Variants in DAB1 observed in about 807,000 individuals in gnomAD.
The protein encoded by DAB1 is disabled homolog 1.
DAB1 carries 15 observed loss-of-function variants against 64.6 expected under a neutral mutation model. That is an observed-to-expected ratio of 0.23 (90% CI 0.16 to 0.36). The LOEUF is 0.36. Among genes scored for constraint, DAB1 ranks in the 10% least tolerant of loss-of-function variants. The probability of loss-of-function intolerance (pLI) is 1.00; values close to 1 mark genes in which losing one functional copy is unlikely to be tolerated. For synonymous variants in DAB1, 235 were observed against 251.9 expected (o/e 0.93, Z 0.64); for missense variants, 596 against 706.7 (o/e 0.84, Z 1.78).
At chr1:57,050,747 A>C (rs1649104863) in intron 9 of DAB1, among the ~76,000 whole-genome samples, 1 of 152,194 alleles carries the variant, frequency 6.6e-6, no homozygotes. Flanking sequence ...TTATTTTTAT[A>C]GGTCTATCTC....
intron 3 of DAB1, among the ~76,000 whole-genome samples, chr1:58,368,372 G>A (rs1644234960): frequency 6.6e-6 from 1 of 152,144 alleles, no homozygotes; most frequent in African/African-American, 2.4e-5. Flanking sequence ...TGACATCTCA[G>A]GGTTAAAGTT....
intron 5 of DAB1, among the ~76,000 whole-genome samples, chr1:58,039,348 C>T (rs1009133623): frequency 6.6e-6 from 1 of 152,106 alleles, no homozygotes; most frequent in Non-Finnish European, 1.5e-5. Flanking sequence ...AACTGCCTCA[C>T]CTGTTCCTTC....
At chr1:58,241,403 C>T (rs935797590) in intron 4 of DAB1, among the ~76,000 whole-genome samples, 1 of 152,030 alleles carries the variant, frequency 6.6e-6, no homozygotes, top group South Asian at 2.1e-4. Context: ...ACCATTTATT[C>T]TGTACCTAAA....
At chr1:57,200,057 T>C (rs1299001575) in intron 2 of DAB1, among the ~76,000 whole-genome samples, 2 of 152,142 alleles carry the variant, frequency 1.3e-5, no homozygotes, top group Non-Finnish European at 2.9e-5. Context: ...TTTAATCAAG[T>C]CCTTATTTCA....
At chr1:57,656,421 G>T (rs1308438529) in intron 6 of DAB1, among the ~76,000 whole-genome samples, 1 of 152,170 alleles carries the variant, frequency 6.6e-6, no homozygotes, top group African/African-American at 2.4e-5. Context: ...TGTGGTTTTT[G>T]TAATTATGTT....
At chr1:58,162,095 T>G (rs1172514945) in intron 4 of DAB1, among the ~76,000 whole-genome samples, 1 of 152,044 alleles carries the variant, frequency 6.6e-6, no homozygotes, top group Middle Eastern at 3.2e-3. Context: ...ATAGATAGGA[T>G]GTAGGGCATG....
At chr1:56,999,940 A>G (rs979196459) in intron 14 of DAB1, among the ~76,000 whole-genome samples, 20 of 152,080 alleles carry the variant, frequency 1.3e-4, no homozygotes, top group African/African-American at 4.8e-4. Flanking sequence ...GGAAATGTAA[A>G]TAAGTACAAT....
intron 4 of DAB1, among the ~76,000 whole-genome samples, chr1:58,280,346 G>A (rs955923175): frequency 6.6e-6 from 1 of 152,210 alleles, no homozygotes; most frequent in African/African-American, 2.4e-5. Context: ...AATAGGGGCA[G>A]CCTAGCATGG....
chr1:57,700,341 G>A (rs968333097), intron 6 of DAB1, among the ~76,000 whole-genome samples: 1 of 152,184 alleles, frequency 6.6e-6, no homozygotes, highest in Non-Finnish European at 1.5e-5. Flanking sequence ...ATCATTGTAT[G>A]TGTCTCATCC....
intron 4 of DAB1, among the ~76,000 whole-genome samples, chr1:58,342,087 G>T (rs1643944000): frequency 6.6e-6 from 1 of 152,186 alleles, no homozygotes; most frequent in Non-Finnish European, 1.5e-5. Context: ...TGCATGATCT[G>T]CAAGATGACT....
chr1:58,064,523 C>T (rs746258589), intron 5 of DAB1, among the ~76,000 whole-genome samples: 1 of 152,044 alleles, frequency 6.6e-6, no homozygotes, highest in Non-Finnish European at 1.5e-5. Context: ...CCCTAGAGGA[C>T]GAAGGAGGAA....
chr1:58,529,763 T>C (rs1172181985), intron 1 of DAB1, among the ~76,000 whole-genome samples: 2 of 152,168 alleles, frequency 1.3e-5, no homozygotes, highest in South Asian at 2.1e-4. Context: ...AACTTAAAAA[T>C]ATATATAGTA....
chr1:58,265,031 G>A (rs1661129160), intron 4 of DAB1, among the ~76,000 whole-genome samples: 1 of 152,188 alleles, frequency 6.6e-6, no homozygotes, highest in African/African-American at 2.4e-5. Context: ...ATATCACAAT[G>A]GAGGCAAGAA....
intron 6 of DAB1, among the ~76,000 whole-genome samples, chr1:57,749,139 G>A (rs534044883): frequency 1.1e-3 from 160 of 152,270 alleles, no homozygotes; most frequent in Non-Finnish European, 1.6e-3. Flanking sequence ...GTCACCCTAC[G>A]GGATGGAGTG....
chr1:57,685,631 A>G (rs927354670), intron 6 of DAB1, among the ~76,000 whole-genome samples: 6 of 152,200 alleles, frequency 3.9e-5, no homozygotes, highest in Non-Finnish European at 8.8e-5. Context: ...CACACAAAAC[A>G]TGTTCTAAGA....
At chr1:57,089,423 G>A (rs1443229800) in intron 4 of DAB1, among the ~76,000 whole-genome samples, 4 of 152,160 alleles carry the variant, frequency 2.6e-5, no homozygotes, top group Non-Finnish European at 5.9e-5. Context: ...TACAAGCAGG[G>A]TGCCAGCATC....
At chr1:57,281,023 T>C (rs1671842068) in intron 2 of DAB1, among the ~76,000 whole-genome samples, 2 of 152,178 alleles carry the variant, frequency 1.3e-5, no homozygotes, top group South Asian at 4.1e-4. Flanking sequence ...GCTGTGAGAC[T>C]CCTTAGAATC....
intron 3 of DAB1, among the ~76,000 whole-genome samples, chr1:58,438,025 T>A (rs1269351477): frequency 6.6e-6 from 1 of 151,314 alleles, no homozygotes; most frequent in Non-Finnish European, 1.5e-5. Context: ...GCAGAGGAGG[T>A]CAAGCAAACC....
chr1:57,970,224 T>G (rs1265984129), intron 5 of DAB1, among the ~76,000 whole-genome samples: 1 of 152,160 alleles, frequency 6.6e-6, no homozygotes, highest in African/African-American at 2.4e-5. Flanking sequence ...GCAACCTGAA[T>G]GGACCAACAC....
Sources: gnomAD v4.1 joint callset for allele counts (sites outside exome capture counted in the v4.1 genomes callset) on GRCh38, gnomAD v4.1.1 for gene constraint, MANE v1.5 for transcripts, NCBI Gene and HGNC (gene_info 2026-07-23, HGNC 2026-07-21) for gene names.